The following STXBP5L variants were observed in gnomAD, a reference collection of about 807,000 sequenced individuals.
The protein encoded by STXBP5L is syntaxin-binding protein 5-like.
A neutral mutation model predicts 144.5 loss-of-function variants in STXBP5L; 65 were observed. The observed-to-expected ratio is 0.45, with a 90% confidence interval of 0.37 to 0.55. The LOEUF is 0.55. STXBP5L is among the 20% of genes least tolerant of loss of function. STXBP5L has a pLI of 0.00. For synonymous variants in STXBP5L, 505 were observed against 469.6 expected (o/e 1.08, Z -0.97); for missense variants, 1,298 against 1,405.5 (o/e 0.92, Z 1.22).
chr3:121,019,619 A>G (rs1340574710), intron 3 of STXBP5L, among the ~76,000 whole-genome samples: 1 of 152,146 alleles, frequency 6.6e-6, no homozygotes, highest in Admixed American at 6.6e-5. Flanking sequence ...CTCCCCACCC[A>G]GTACCAGCCC....
chr3:120,969,251 T>C (rs1190657201), intron 3 of STXBP5L, among the ~76,000 whole-genome samples: 1 of 152,074 alleles, frequency 6.6e-6, no homozygotes, highest in African/African-American at 2.4e-5. Context: ...AGGAGTAAGG[T>C]GTAATCTCAT....
intron 20 of STXBP5L, among the ~76,000 whole-genome samples, chr3:121,343,282 A>G (rs1353535784): frequency 6.6e-6 from 1 of 151,900 alleles, no homozygotes; most frequent in Non-Finnish European, 1.5e-5. Context: ...ATTTTCTCCC[A>G]TTTTGTAGGT....
chr3:121,150,460 TCTAA>T (rs1242152960), intron 7 of STXBP5L, among the ~76,000 whole-genome samples: 1 of 152,072 alleles, frequency 6.6e-6, no homozygotes, highest in Non-Finnish European at 1.5e-5. Context: ...TTTCTAATTC[TCTAA>T]CTGATTCTAA....
At chr3:121,111,813 C>T (rs75447330) in intron 5 of STXBP5L, among the ~76,000 whole-genome samples, 15,105 of 152,210 alleles carry the variant, frequency 0.099, 1,182 homozygotes, top group Admixed American at 0.2. Flanking sequence ...TTCTGCAGAG[C>T]CATCGGGGGA....
intron 20 of STXBP5L, among the ~76,000 whole-genome samples, chr3:121,322,413 G>A (rs889362783): frequency 1.3e-5 from 2 of 150,740 alleles, no homozygotes; most frequent in African/African-American, 4.9e-5. Flanking sequence ...AAGAGGCGGA[G>A]GTTGTGGTGA....
intron 20 of STXBP5L, among the ~76,000 whole-genome samples, chr3:121,324,207 C>G (rs1449660092): frequency 1.3e-5 from 2 of 152,042 alleles, no homozygotes; most frequent in African/African-American, 4.8e-5. Flanking sequence ...GTATCAAACT[C>G]TGTTGTTCTC....
intron 12 of STXBP5L, among the ~76,000 whole-genome samples, chr3:121,236,457 A>G (rs962908144): frequency 6.6e-6 from 1 of 152,222 alleles, no homozygotes; most frequent in African/African-American, 2.4e-5. Flanking sequence ...GTTTCTACTC[A>G]TCTCAGAACG....
rs1329337274 is a variant in STXBP5L, at chr3:121,013,074, C to T, written c.288-28626C>T. The stretch of plus-strand genomic sequence containing the variant: ...AGTATTGCATGGTGTATATGTACCA[C>T]ATTTTCTTTATCCAATCTATCATTG... On this transcript the variant is annotated intron_variant, in intron 3 of 26. Coordinates refer to ENST00000471454, the MANE Select transcript of STXBP5L (RefSeq NM_001308330.2). Among the ~76,000 whole-genome samples, 4 of 151,846 alleles carry T rather than the reference C, an allele frequency of 2.6e-5. No individual in the cohort carries two copies. The East Asian group carries it at 7.7e-4, about 29-fold the overall frequency.
chr3:121,403,523 A>T (rs2046930492), intron 22 of STXBP5L, among the ~76,000 whole-genome samples: 2 of 152,142 alleles, frequency 1.3e-5, no homozygotes, highest in South Asian at 4.1e-4. Context: ...ATATATTGTT[A>T]TATCTTCCAT....
chr3:121,320,013 C>A (rs2043917484), intron 20 of STXBP5L, among the ~76,000 whole-genome samples: 1 of 152,010 alleles, frequency 6.6e-6, no homozygotes, highest in Non-Finnish European at 1.5e-5. Context: ...GCTGTTCTAC[C>A]TTTTTGTATT....
intron 5 of STXBP5L, among the ~76,000 whole-genome samples, chr3:121,108,971 T>C (rs1231593798): frequency 6.6e-6 from 1 of 152,178 alleles, no homozygotes; most frequent in Non-Finnish European, 1.5e-5. Flanking sequence ...AATTTATCCA[T>C]TTCCTCTGGA....
chr3:121,192,457 A>G (rs1467140354), intron 9 of STXBP5L, among the ~76,000 whole-genome samples: 2 of 152,242 alleles, frequency 1.3e-5, no homozygotes, highest in Admixed American at 6.5e-5. Context: ...TCTTCACAGA[A>G]TTGGAAAACA....
At chr3:121,087,098 C>T (rs2042537359) in intron 5 of STXBP5L, among the ~76,000 whole-genome samples, 1 of 151,740 alleles carries the variant, frequency 6.6e-6, no homozygotes, top group South Asian at 2.1e-4. Context: ...TTTTTCAACC[C>T]CAGGATGTAG....
chr3:121,217,264 C>A (rs2048811653), intron 10 of STXBP5L, among the ~76,000 whole-genome samples: 1 of 152,138 alleles, frequency 6.6e-6, no homozygotes, highest in African/African-American at 2.4e-5. Context: ...CGGTGTCTGC[C>A]CAAATGGCTT....
chr3:121,030,934 A>C (rs1313791185), intron 3 of STXBP5L, among the ~76,000 whole-genome samples: 2 of 152,166 alleles, frequency 1.3e-5, no homozygotes, highest in Non-Finnish European at 2.9e-5. Context: ...GAGAGCTGGA[A>C]AAATGAGTTC....
At chr3:121,178,253 C>T (rs772455556) in intron 9 of STXBP5L, among the ~76,000 whole-genome samples, 13 of 152,260 alleles carry the variant, frequency 8.5e-5, no homozygotes, top group Middle Eastern at 3.4e-3. Flanking sequence ...GAACTGTACA[C>T]TGAAAAATAG....
chr3:121,005,945 A>C (rs1039329337), intron 3 of STXBP5L, among the ~76,000 whole-genome samples: 1 of 152,082 alleles, frequency 6.6e-6, no homozygotes, highest in East Asian at 1.9e-4. Flanking sequence ...GTTCTTTTAC[A>C]TTTGCTGAGG....
At chr3:121,173,190 G>T (rs1577113454) in intron 9 of STXBP5L, among the ~76,000 whole-genome samples, 2 of 151,966 alleles carry the variant, frequency 1.3e-5, no homozygotes, top group Non-Finnish European at 2.9e-5. Flanking sequence ...GGGATGGGGG[G>T]CTAGCAGAGG....
intron 3 of STXBP5L, among the ~76,000 whole-genome samples, chr3:120,977,577 T>A (rs2686650): frequency 0.21 from 32,411 of 152,060 alleles, 3,678 homozygotes; most frequent in Non-Finnish European, 0.26. Context: ...GTGAATTTGA[T>A]CCTGTCATTA....
Sources: gnomAD v4.1 joint callset for allele counts (sites outside exome capture counted in the v4.1 genomes callset) on GRCh38, gnomAD v4.1.1 for gene constraint, MANE v1.5 for transcripts, NCBI Gene and HGNC (gene_info 2026-07-23, HGNC 2026-07-21) for gene names.